Variants in TSHZ2 observed in about 807,000 individuals in gnomAD.
The protein encoded by TSHZ2 is teashirt zinc finger homeobox 2.
TSHZ2 carries 21 observed loss-of-function variants against 74.4 expected under a neutral mutation model. The observed-to-expected ratio is 0.28, with a 90% confidence interval of 0.20 to 0.41. The LOEUF (loss-of-function observed/expected upper bound fraction) is 0.41, where lower values mean the gene tolerates loss of function less well. TSHZ2 is among the 10% of genes least tolerant of loss of function. The pLI is 1.00. For synonymous variants in TSHZ2, 540 were observed against 515.3 expected (o/e 1.05, Z -0.65); for missense variants, 1,244 against 1,293.5 (o/e 0.96, Z 0.59).
At chr20:53,431,213 C>T (rs1476956457) in intron 2 of TSHZ2, among the ~76,000 whole-genome samples, 3 of 152,152 alleles carry the variant, frequency 2.0e-5, no homozygotes, top group Non-Finnish European at 4.4e-5. Flanking sequence ...GTAATCCCAG[C>T]ACTTTGGGAG....
chr20:53,494,322 T>C lies in TSHZ2; in HGVS notation c.*7187T>C, dbSNP rs545151214. On this transcript the variant is annotated 3_prime_UTR_variant, in exon 3 of 3. Transcript: ENST00000371497. Reference sequence around the variant, plus strand: ...AAAAAGAATGGATTTTCAGAAAAAGTGCTCCCTTTCCTGTCCTGTGGTGCC... The same window carrying C: ...AAAAAGAATGGATTTTCAGAAAAAGCGCTCCCTTTCCTGTCCTGTGGTGCC... 6.6e-6 allele frequency: 1 copy of C among 150,708 alleles called. No homozygotes were observed. The highest frequency in any genetic ancestry group is 2.1e-4 in the South Asian group (1 of 4,780). 9.3% of individuals were successfully genotyped at this position (150,708 alleles called of 1,614,324 possible). A position where few individuals can be genotyped will look rare whatever the true frequency, so the allele number is the denominator to read the frequency against.
chr20:53,305,291 C>T (rs1272636589), intron 2 of TSHZ2, among the ~76,000 whole-genome samples: 1 of 152,150 alleles, frequency 6.6e-6, no homozygotes, highest in Admixed American at 6.5e-5. Context: ...TTCTTTTCTG[C>T]CCCCATCCAT....
At position 53,469,899 on chromosome 20, in the gene TSHZ2, G is replaced by GAGGAAGGA. The variant is rs747268726; in HGVS notation, c.*9-17229_*9-17222dup. 1.6e-4 allele frequency among the ~76,000 whole-genome samples: 14 copies of GAGGAAGGA among 88,406 alleles called. 2 individuals are homozygous for GAGGAAGGA. The highest frequency in any genetic ancestry group is 3.3e-4 in the African/African-American group (8 of 24,198). The allele number at this position is 88,406 out of a possible 152,430, so 58.0% of individuals were successfully genotyped here. A position where few individuals can be genotyped will look rare whatever the true frequency, so the allele number is the denominator to read the frequency against. On this transcript the variant is annotated intron_variant, in intron 2 of 2. Transcript: ENST00000371497. ...AAGAAAAAAAAGAGAGAGAGGAAAG[G>GAGGAAGGA]AGGAAGGAAGGAAGGAAGGAAGGCA...
At chr20:53,038,985 C>T (rs1983939957) in intron 1 of TSHZ2, among the ~76,000 whole-genome samples, 1 of 151,868 alleles carries the variant, frequency 6.6e-6, no homozygotes, top group South Asian at 2.1e-4. Flanking sequence ...CAACCTCTGC[C>T]TCCCGGGTTC....
At chr20:53,482,594 C>A (rs1297065654) in intron 2 of TSHZ2, among the ~76,000 whole-genome samples, 1 of 152,168 alleles carries the variant, frequency 6.6e-6, no homozygotes, top group Non-Finnish European at 1.5e-5. Flanking sequence ...TATACACCTA[C>A]TATGTGCACA....
At chr20:53,416,854 T>C (rs191527917) in intron 2 of TSHZ2, among the ~76,000 whole-genome samples, 1 of 152,394 alleles carries the variant, frequency 6.6e-6, no homozygotes, top group Admixed American at 6.5e-5. Flanking sequence ...AATGTGAACC[T>C]CTTTTTTCCC....
chr20:53,254,381 C>T lies in TSHZ2; in HGVS notation c.923C>T (p.Pro308Leu), dbSNP rs773042192. Residue 308 changes from proline to leucine, a missense_variant, in exon 2 of 3, where the codon CCA becomes CTA. Transcript: ENST00000371497. ...TACCAAAAAGTGCCTTTGAAGGAGC[C>T]AGTCCCAACCATTTCCTCGAAAATG... is the stretch of plus-strand genomic sequence containing the variant. Reference protein sequence around the residue: ...KHYQKVPLKEPVPTISSKMVT... With the variant: ...KHYQKVPLKELVPTISSKMVT... 1 of 1,614,002 alleles carries T rather than the reference C, an allele frequency of 6.2e-7. No individual in the cohort carries two copies. Among genetic ancestry groups the T allele is most frequent in the Non-Finnish European group, 8.5e-7 (1 of 1,179,918 alleles).
intron 1 of TSHZ2, among the ~76,000 whole-genome samples, chr20:53,204,286 G>T (rs199576880): frequency 0.042 from 4,602 of 108,476 alleles, 682 homozygotes; most frequent in East Asian, 0.26. Flanking sequence ...CATATAACAT[G>T]ATGATATGAT....
At chr20:53,207,858 C>CT (rs58457116) in intron 1 of TSHZ2, among the ~76,000 whole-genome samples, 24,352 of 96,654 alleles carry the variant, frequency 0.25, 3,536 homozygotes, top group Admixed American at 0.35. Flanking sequence ...CATTGTTTTA[C>CT]TTTTTTTTTT....
At chr20:53,402,246 A>G (rs1320927200) in intron 2 of TSHZ2, among the ~76,000 whole-genome samples, 1 of 152,214 alleles carries the variant, frequency 6.6e-6, no homozygotes, top group Non-Finnish European at 1.5e-5. Context: ...TGGTAGATCT[A>G]CTTTTAGTTC....
At chr20:53,124,310 G>C (rs1986890339) in intron 1 of TSHZ2, among the ~76,000 whole-genome samples, 1 of 152,170 alleles carries the variant, frequency 6.6e-6, no homozygotes, top group Non-Finnish European at 1.5e-5. Context: ...GGGCAATTTG[G>C]GACCCAGATT....
chr20:53,444,084 T>TA (rs1984453966), intron 2 of TSHZ2, among the ~76,000 whole-genome samples: 1 of 152,164 alleles, frequency 6.6e-6, no homozygotes, highest in Admixed American at 6.5e-5. Flanking sequence ...GACAAGGGAC[T>TA]AAAACCAGGA....
Position 53,377,453 on chromosome 20 carries a change from T to C in TSHZ2, c.*9-109691T>C, listed in dbSNP as rs988227993. Among the ~76,000 whole-genome samples the C allele has an allele frequency of 3.3e-5, 5 of 152,304 alleles. No homozygotes were observed. In the South Asian group the frequency reaches 1.0e-3, roughly 32 times the overall value. ...TTGTTTATCCAGAATCTATCGACTA[T>C]CAGATGTCAGCAAACTCATTCTTTA... is the stretch of plus-strand genomic sequence containing the variant. On this transcript the variant is annotated intron_variant, in intron 2 of 2. Coordinates refer to ENST00000371497, the MANE Select transcript of TSHZ2 (RefSeq NM_173485.6).
chr20:53,203,871 C>G (rs577494764), intron 1 of TSHZ2, among the ~76,000 whole-genome samples: 52 of 152,000 alleles, frequency 3.4e-4, no homozygotes, highest in Admixed American at 1.2e-3. Flanking sequence ...CTGCAATGTT[C>G]AAGCGGTATG....
chr20:53,291,297 C>A (rs1170158514), intron 2 of TSHZ2, among the ~76,000 whole-genome samples: 1 of 151,950 alleles, frequency 6.6e-6, no homozygotes, highest in African/African-American at 2.4e-5. Context: ...CATGGTGAAA[C>A]CCAGTCTCTA....
At chr20:52,993,247 A>T (rs1398073881) in intron 1 of TSHZ2, among the ~76,000 whole-genome samples, 1 of 152,172 alleles carries the variant, frequency 6.6e-6, no homozygotes, top group Non-Finnish European at 1.5e-5. Context: ...CCTGGAGTTT[A>T]TAAATGTTCC....
chr20:52,982,068 A>C (rs1362918016), intron 1 of TSHZ2, among the ~76,000 whole-genome samples: 1 of 152,242 alleles, frequency 6.6e-6, no homozygotes, highest in Non-Finnish European at 1.5e-5. Flanking sequence ...AAGCAAAATT[A>C]TGAGAGCAGG....
intron 2 of TSHZ2, among the ~76,000 whole-genome samples, chr20:53,441,235 A>G (rs1984305677): frequency 1.4e-5 from 2 of 139,954 alleles, no homozygotes; most frequent in East Asian, 4.2e-4. Context: ...ATTTTATTTT[A>G]TTTTATTTTA....
intron 2 of TSHZ2, among the ~76,000 whole-genome samples, chr20:53,464,499 A>G (rs1472661608): frequency 1.3e-5 from 2 of 152,064 alleles, no homozygotes; most frequent in Non-Finnish European, 2.9e-5. Context: ...ATTCTCTCTC[A>G]TTGCGCAGGC....
Sources: gnomAD v4.1 joint callset for allele counts (sites outside exome capture counted in the v4.1 genomes callset) on GRCh38, gnomAD v4.1.1 for gene constraint, MANE v1.5 for transcripts, NCBI Gene and HGNC (gene_info 2026-07-23, HGNC 2026-07-21) for gene names.